TOPBP1: variants seen among roughly 807,000 people sequenced by gnomAD.
TOPBP1 encodes DNA topoisomerase 2-binding protein 1.
A neutral mutation model predicts 167.7 loss-of-function variants in TOPBP1; 28 were observed. The observed-to-expected ratio is 0.17, with a 90% CI of 0.12 to 0.23. TOPBP1 has a LOEUF of 0.23. Among genes scored for constraint, TOPBP1 ranks in the 10% least tolerant of loss-of-function variants. The pLI is 1.00. For synonymous variants in TOPBP1, 598 were observed against 611.4 expected (o/e 0.98, Z 0.32); for missense variants, 1,554 against 1,809.6 (o/e 0.86, Z 2.56).
intron 25 of TOPBP1, among the ~76,000 whole-genome samples, chr3:133,610,062 T>C (rs1934622321): frequency 2.0e-5 from 3 of 152,232 alleles, no homozygotes; most frequent in African/African-American, 4.8e-5. Flanking sequence ...ATGTGCTTTA[T>C]ATTAAAGTAG....
At position 133,644,111 on chromosome 3, in the gene TOPBP1, A is replaced by G; in HGVS notation, c.1757T>C (p.Leu586Pro). ...AGCATAATCCGCAACAGTTCTGCTCAGAAGGGACATGATTTTCCCAGCATT... is the reference window on the plus strand; with the variant it reads ...AGCATAATCCGCAACAGTTCTGCTCGGAAGGGACATGATTTTCCCAGCATT... Reference protein sequence around the residue: ...KENAGKIMSLLSRTVADYAVV... With the variant: ...KENAGKIMSLPSRTVADYAVV... Residue 586 changes from leucine to proline, a missense_variant, in exon 11 of 28, where the codon CTG becomes CCG. Around this residue, in one of 3 missense-constraint regions of TOPBP1, gnomAD observed 1,197 missense variants for 1,351.5 expected, o/e 0.89. Transcript: ENST00000260810. The G allele has an allele frequency of 6.2e-6, 10 of 1,614,008 alleles. No homozygotes were observed. Among genetic ancestry groups the G allele is most frequent in the Non-Finnish European group, 7.6e-6 (9 of 1,179,876 alleles).
Position 133,643,347 on chromosome 3 carries a change from A to C in TOPBP1, c.1874T>G (p.Leu625Trp). ...WLVTCIDYQT[L>W]FDPKSNPLFT... ...GAGAGGATTCGACTTTGGATCAAAC[A>C]AAGTCTGATAGTCTATGCAAGTAAC... Residue 625 changes from leucine (L) to tryptophan (W), a missense_variant, in exon 12 of 28, where the codon TTG becomes TGG. Transcript: ENST00000260810. 1 of 1,602,778 alleles carries C rather than the reference A, an allele frequency of 6.2e-7. No homozygotes were observed. Among genetic ancestry groups the C allele is most frequent in the South Asian group, 1.1e-5 (1 of 88,868 alleles).
Position 133,624,157 on chromosome 3 carries a change from T to C in TOPBP1, c.2823A>G (p.Thr941=), listed in dbSNP as rs1216186355. ...GADYRWSFDE[T]VTHFIYQGRP... is the part of the protein sequence containing the mutation. Reference sequence around the variant, plus strand: ...GCCCTTGATAGATGAAATGAGTCACTGTTTCATCAAAACTCCACCTGAAAT... The same window carrying C: ...GCCCTTGATAGATGAAATGAGTCACCGTTTCATCAAAACTCCACCTGAAAT... The change falls in exon 17 of 28, where the codon ACA becomes ACG. Residue 941 remains threonine, a synonymous_variant. Coordinates refer to ENST00000260810, the MANE Select transcript of TOPBP1 (RefSeq NM_007027.4). 3.1e-6 allele frequency: 5 copies of C among 1,613,546 alleles called. No homozygotes were observed. Among genetic ancestry groups the C allele is most frequent in the Non-Finnish European group, 4.2e-6 (5 of 1,179,746 alleles).
Position 133,649,478 on chromosome 3 carries a change from C to T in TOPBP1, c.1409G>A (p.Ser470Asn), listed in dbSNP as rs1936204914. ...SKAALLKKKNSSFSKKDFAPS... is the reference protein window; with the variant it reads ...SKAALLKKKNNSFSKKDFAPS... The stretch of plus-strand genomic sequence containing the variant: ...AGCAAAGTCTTTCTTAGAGAAGCTG[C>T]TGTTCTTCTTTTTTAAAAGAGCTGC... Residue 470 changes from serine to asparagine, a missense_variant, in exon 10 of 28, where the codon AGC becomes AAC. This residue lies in a region of TOPBP1 where 1,197 missense variants were observed against 1,351.5 expected (regional missense o/e 0.89). Coordinates refer to ENST00000260810, the MANE Select transcript of TOPBP1 (RefSeq NM_007027.4). 1 of 1,613,780 alleles carries T rather than the reference C, an allele frequency of 6.2e-7. No individual in the cohort carries two copies. Among genetic ancestry groups the T allele is most frequent in the African/African-American group, 1.3e-5 (1 of 74,922 alleles).
intron 20 of TOPBP1, among the ~76,000 whole-genome samples, chr3:133,618,748 T>C (rs761120436): frequency 2.6e-5 from 4 of 152,184 alleles, no homozygotes; most frequent in Non-Finnish European, 5.9e-5. Context: ...AATTGGTACA[T>C]TTAAAAATGT....
In TOPBP1 at chr3:133,653,374, G is replaced by C; in HGVS notation, c.893C>G (p.Thr298Ser). 1 of 1,607,388 alleles carries C rather than the reference G, an allele frequency of 6.2e-7. No individual in the cohort carries two copies. ...AATTGTGTTGATCTGGCTGGTAGGA[G>C]TTGAAGAATTGGGCATAGTCTTTGC... ...PEAKTMPNSSTPTSQINTIDS... is the reference protein window; with the variant it reads ...PEAKTMPNSSSPTSQINTIDS... The change falls in exon 7 of 28, where the codon ACT (threonine) becomes AGT (serine). Residue 298 changes from threonine (T) to serine (S), a missense_variant. By Grantham distance (58) the Thr-to-Ser change is moderately conservative. Coordinates refer to ENST00000260810, the MANE Select transcript of TOPBP1 (RefSeq NM_007027.4).
intron 20 of TOPBP1, among the ~76,000 whole-genome samples, chr3:133,619,373 AT>A (rs1210442251): frequency 2.0e-5 from 3 of 152,206 alleles, no homozygotes; most frequent in African/African-American, 7.2e-5. Context: ...TTAGCGTAAG[AT>A]AAATGCTAGT....
intron 27 of TOPBP1, among the ~76,000 whole-genome samples, chr3:133,603,296 T>C (rs1230227735): frequency 6.6e-6 from 1 of 152,054 alleles, no homozygotes; most frequent in Non-Finnish European, 1.5e-5. Flanking sequence ...ATTCTAAAAA[T>C]ATTAAACTAA....
Position 133,600,733 on chromosome 3 carries a change from C to T in TOPBP1, c.*517G>A, listed in dbSNP as rs1449318756. The T allele has an allele frequency of 1.3e-5, 2 of 152,636 alleles. No individual in the cohort carries two copies. The highest frequency in any genetic ancestry group is 4.8e-5 in the African/African-American group (2 of 41,416). The allele number at this position is 152,636 out of a possible 1,614,324, so 9.5% of individuals were successfully genotyped here. On this transcript the variant is annotated 3_prime_UTR_variant, in exon 28 of 28. Transcript: ENST00000260810. ...TTGGCAAACATCATGGAGATTTGTA[C>T]AAACATACATATACATATATACACA...
chr3:133,644,022 G>A lies in TOPBP1; in HGVS notation c.1846C>T (p.Leu616=). ...TVGEVVTNTW[L]VTCIDYQTLF... is the part of the protein sequence containing the mutation. ...TTCAACCACTAGTGTTGTCTTACCAGCCATGTATTTGTAACAACTTCTCCC... is the reference window on the plus strand; with the variant it reads ...TTCAACCACTAGTGTTGTCTTACCAACCATGTATTTGTAACAACTTCTCCC... Residue 616 remains leucine (L), a splice_region_variant and synonymous_variant, in exon 11 of 28, where the codon CTG becomes TTG. Coordinates refer to ENST00000260810, the MANE Select transcript of TOPBP1 (RefSeq NM_007027.4). The A allele has an allele frequency of 2.5e-6, 4 of 1,594,832 alleles. No homozygotes were observed. Among genetic ancestry groups the A allele is most frequent in the Non-Finnish European group, 3.4e-6 (4 of 1,171,666 alleles).
intron 2 of TOPBP1, among the ~76,000 whole-genome samples, 186 bp from the exon 3 acceptor site, chr3:133,659,336 C>G (rs891441070): frequency 1.3e-5 from 2 of 152,172 alleles, no homozygotes; most frequent in Non-Finnish European, 2.9e-5. Context: ...GTTCTCTACA[C>G]AGCAGCTAAT....
intron 14 of TOPBP1, among the ~76,000 whole-genome samples, chr3:133,632,271 G>A (rs1417319597): frequency 6.6e-6 from 1 of 151,906 alleles, no homozygotes; most frequent in East Asian, 2.0e-4. Context: ...CGGGTGTGGG[G>A]GTAGGCGCCT....
chr3:133,634,526 G>A (rs954806250), intron 14 of TOPBP1, among the ~76,000 whole-genome samples: 74 of 151,798 alleles, frequency 4.9e-4, no homozygotes, highest in Middle Eastern at 3.4e-3. Context: ...AAAAAAAAAA[G>A]ATAAAAGATA....
At chr3:133,646,024 G>A (rs1936063225) in intron 10 of TOPBP1, among the ~76,000 whole-genome samples, 1 of 151,900 alleles carries the variant, frequency 6.6e-6, no homozygotes. Flanking sequence ...GCACGTGCCT[G>A]TAATCCCAGC....
At position 133,655,422 on chromosome 3, in the gene TOPBP1, T is replaced by C. The variant is rs565676005; in HGVS notation, c.610A>G (p.Ile204Val). ...CCACATAAGCCAGTCACACAGATTA[T>C]GCAACCAAGAAAAATAGGACACTTG... ...DFKCPIFLGC[I>V]ICVTGLCGLD... Residue 204 changes from isoleucine (I) to valine (V), a missense_variant, in exon 6 of 28, where the codon ATA (isoleucine) becomes GTA (valine). By Grantham distance (29) the Ile-to-Val change is conservative. Around this residue, in one of 3 missense-constraint regions of TOPBP1, gnomAD observed 1,197 missense variants for 1,351.5 expected, o/e 0.89. Transcript: ENST00000260810. The C allele has an allele frequency of 3.1e-5, 49 of 1,602,426 alleles. No homozygotes were observed. The highest frequency in any genetic ancestry group is 3.0e-4 in the South Asian group (27 of 89,046).
chr3:133,648,102 G>T (rs1160131159), intron 10 of TOPBP1, among the ~76,000 whole-genome samples: 1 of 152,126 alleles, frequency 6.6e-6, no homozygotes, highest in East Asian at 1.9e-4. Context: ...ACAGCCAGAG[G>T]ATAAAGACAG....
Position 133,620,358 on chromosome 3 carries a change from A to G in TOPBP1, c.3179-11T>C. The stretch of plus-strand genomic sequence containing the variant: ...AGGTCTGTGTCAGAACTTGAAACAA[A>G]CACAAATACACCATTCAAGGTAAGT... On this transcript the variant is annotated splice_polypyrimidine_tract_variant and intron_variant, in intron 19 of 27. Transcript: ENST00000260810. The G allele has an allele frequency of 2.5e-6, 4 of 1,608,136 alleles. No homozygotes were observed. The highest frequency in any genetic ancestry group is 3.4e-6 in the Non-Finnish European group (4 of 1,177,400).
intron 20 of TOPBP1, among the ~76,000 whole-genome samples, chr3:133,619,727 A>G (rs1170189561): frequency 6.6e-6 from 1 of 152,238 alleles, no homozygotes; most frequent in East Asian, 1.9e-4. Flanking sequence ...ATTTCAAATG[A>G]GGCAAATTAG....
intron 8 of TOPBP1, among the ~76,000 whole-genome samples, chr3:133,650,656 G>A (rs968420069): frequency 2.6e-5 from 4 of 151,988 alleles, no homozygotes; most frequent in Admixed American, 6.6e-5. Flanking sequence ...AAAAATTTAA[G>A]TATGACAAAT....
Sources: gnomAD v4.1 joint callset for allele counts (sites outside exome capture counted in the v4.1 genomes callset) on GRCh38, gnomAD v4.1.1 for gene constraint, gnomAD v4.1.1 regional missense constraint, MANE v1.5 for transcripts, NCBI Gene and HGNC (gene_info 2026-07-23, HGNC 2026-07-21) for gene names.